The following HIKESHI variants were observed in gnomAD, a reference collection of about 807,000 sequenced individuals.
HIKESHI encodes heat shock protein nuclear import factor hikeshi, also known as protein Hikeshi.
HIKESHI carries 13 observed loss-of-function variants against 25.7 expected under a neutral mutation model. The ratio of observed to expected loss-of-function variants is 0.51; its 90% confidence interval spans 0.33 to 0.80. The LOEUF is 0.80. HIKESHI is among the 30% of genes least tolerant of loss of function. HIKESHI has a pLI of 0.02. For synonymous variants in HIKESHI, 76 were observed against 78.7 expected (o/e 0.97, Z 0.18); for missense variants, 174 against 229.5 (o/e 0.76, Z 1.56).
intron 2 of HIKESHI, among the ~76,000 whole-genome samples, chr11:86,308,479 G>A (rs931633083): frequency 8.1e-5 from 12 of 147,624 alleles, no homozygotes; most frequent in East Asian, 5.9e-4. Context: ...ATTTTCTTCC[G>A]TTAAGATTGT....
At position 86,326,556 on chromosome 11, in the gene HIKESHI, A is replaced by G; in HGVS notation, c.269-10823A>G. The G allele has an allele frequency of 1.1e-5, 5 of 456,204 alleles. No individual in the cohort carries two copies. In the Middle Eastern group the frequency reaches 1.7e-3, roughly 151 times the overall value. 28.3% of individuals were successfully genotyped at this position (456,204 alleles called of 1,614,324 possible). On this transcript the variant is annotated intron_variant, in intron 2 of 4. Coordinates refer to ENST00000278483, the MANE Select transcript of HIKESHI (RefSeq NM_016401.4). ...CTTGCTGCCTACTTTCAACATCTGC[A>G]TGTGTGTGTGAATATTAAATATCAC...
At chr11:86,339,112 C>G (rs1201472137) in intron 3 of HIKESHI, among the ~76,000 whole-genome samples, 1 of 152,158 alleles carries the variant, frequency 6.6e-6, no homozygotes, top group Non-Finnish European at 1.5e-5. Flanking sequence ...GTGGCGCGAT[C>G]TCGGCTCACT....
At chr11:86,306,191 G>C in intron 1 of HIKESHI, 54 bp from the exon 2 acceptor site, 1 of 1,136,714 alleles carries the variant, frequency 8.8e-7, no homozygotes, top group Non-Finnish European at 1.3e-6. Context: ...ATACTGTTAA[G>C]AGTTACAGAA....
intron 2 of HIKESHI, among the ~76,000 whole-genome samples, chr11:86,318,898 A>G (rs990819532): frequency 1.3e-5 from 2 of 152,190 alleles, no homozygotes; most frequent in Non-Finnish European, 2.9e-5. Context: ...TAATACTGTT[A>G]TCACATCTAA....
chr11:86,336,720 A>G (rs1291947510), intron 2 of HIKESHI, among the ~76,000 whole-genome samples: 2 of 152,222 alleles, frequency 1.3e-5, no homozygotes, highest in Non-Finnish European at 2.9e-5. Context: ...GAGGAAAAAC[A>G]TTAACCACAT....
At chr11:86,304,512 C>CTTTT (rs35545393) in intron 1 of HIKESHI, among the ~76,000 whole-genome samples, 16 of 112,536 alleles carry the variant, frequency 1.4e-4, no homozygotes, top group African/African-American at 2.1e-4. Flanking sequence ...GCACAACTCA[C>CTTTT]TTTTTTTTTT....
chr11:86,316,543 A>G (rs1946983839), intron 2 of HIKESHI, among the ~76,000 whole-genome samples: 1 of 152,030 alleles, frequency 6.6e-6, no homozygotes, highest in African/African-American at 2.4e-5. Flanking sequence ...ATAAATTTTA[A>G]AAAGGGGGAA....
chr11:86,313,006 C>G (rs1211510968), intron 2 of HIKESHI, among the ~76,000 whole-genome samples: 1 of 152,100 alleles, frequency 6.6e-6, no homozygotes, highest in Non-Finnish European at 1.5e-5. Context: ...TCCTTCATTT[C>G]AGCTTTGGTG....
intron 4 of HIKESHI, 61 bp downstream of exon 4, chr11:86,344,782 T>A: frequency 9.1e-7 from 1 of 1,095,812 alleles, no homozygotes; most frequent in Non-Finnish European, 1.4e-6. Flanking sequence ...CTATTTTGTC[T>A]ATGAATATAT....
At chr11:86,339,500 C>T (rs1316236224) in intron 3 of HIKESHI, among the ~76,000 whole-genome samples, 3 of 152,114 alleles carry the variant, frequency 2.0e-5, no homozygotes, top group Non-Finnish European at 2.9e-5. Context: ...TCTTATTTGC[C>T]ACTAATTTTT....
At chr11:86,316,439 G>A (rs1283688060) in intron 2 of HIKESHI, among the ~76,000 whole-genome samples, 1 of 152,106 alleles carries the variant, frequency 6.6e-6, no homozygotes, top group Non-Finnish European at 1.5e-5. Context: ...TTGAACTCGG[G>A]AGGTGGAGGT....
chr11:86,342,245 A>G (rs1416273586), intron 3 of HIKESHI, among the ~76,000 whole-genome samples: 1 of 152,160 alleles, frequency 6.6e-6, no homozygotes, highest in Non-Finnish European at 1.5e-5. Context: ...TGGGAAAAAA[A>G]CCTAAGATGC....
intron 3 of HIKESHI, among the ~76,000 whole-genome samples, chr11:86,341,735 G>A (rs944287945): frequency 6.6e-6 from 1 of 151,888 alleles, no homozygotes; most frequent in Admixed American, 6.6e-5. Flanking sequence ...CTATTCTCTG[G>A]ACCTATTGTA....
At chr11:86,336,003 G>A (rs1245423944) in intron 2 of HIKESHI, among the ~76,000 whole-genome samples, 1 of 152,150 alleles carries the variant, frequency 6.6e-6, no homozygotes, top group Non-Finnish European at 1.5e-5. Context: ...ATTGCTAAAG[G>A]AAACCAGAAG....
chr11:86,323,954 G>A (rs1319546070), intron 2 of HIKESHI: 1 of 152,058 alleles, frequency 6.6e-6, no homozygotes, highest in Non-Finnish European at 1.5e-5. Flanking sequence ...GATAATACTA[G>A]TTCTTTTATT....
intron 2 of HIKESHI, among the ~76,000 whole-genome samples, chr11:86,316,357 C>A (rs1002786341): frequency 6.7e-6 from 1 of 149,970 alleles, no homozygotes; most frequent in African/African-American, 2.5e-5. Flanking sequence ...ACTAAAAATA[C>A]AAAAATTAGC....
At chr11:86,307,688 T>C (rs1320916998) in intron 2 of HIKESHI, among the ~76,000 whole-genome samples, 1 of 97,730 alleles carries the variant, frequency 1.0e-5, no homozygotes, top group Non-Finnish European at 1.9e-5. Context: ...AAATATATAT[T>C]ATGTGTAGTA....
chr11:86,310,007 C>G (rs1946790113), intron 2 of HIKESHI, among the ~76,000 whole-genome samples: 1 of 150,034 alleles, frequency 6.7e-6, no homozygotes, highest in African/African-American at 2.5e-5. Context: ...CGTGATGTCT[C>G]CAGCTTTGTT....
chr11:86,315,872 A>G (rs987091469), intron 2 of HIKESHI, among the ~76,000 whole-genome samples: 3 of 152,158 alleles, frequency 2.0e-5, no homozygotes, highest in Non-Finnish European at 4.4e-5. Flanking sequence ...CTGTTCTAGA[A>G]AAAAACATAT....
Sources: allele counts gnomAD v4.1 joint callset (sites outside exome capture counted in the v4.1 genomes callset), GRCh38; gene constraint gnomAD v4.1.1; transcripts MANE v1.5; gene names NCBI Gene and HGNC (gene_info 2026-07-23, HGNC 2026-07-21).